Variants in MOB1B observed in about 807,000 individuals in gnomAD.
MOB1B encodes the protein MOB kinase activator 1B.
In MOB1B, 19 loss-of-function variants were observed where a neutral mutation model predicts 24.4. That is an observed-to-expected ratio of 0.78 (90% confidence interval 0.54 to 1.14). MOB1B has a LOEUF of 1.14. MOB1B is among the 50% of genes most tolerant of loss of function. MOB1B has a pLI of 0.00. For synonymous variants in MOB1B, 76 were observed against 82.1 expected, an observed-to-expected ratio of 0.93 and a Z score of 0.40; for missense variants, 243 against 259.6, an observed-to-expected ratio of 0.94 and a Z score of 0.44.
chr4:70,941,906 T>C (rs1737363814), intron 1 of MOB1B, among the ~76,000 whole-genome samples: 1 of 152,224 alleles, frequency 6.6e-6, no homozygotes, highest in Non-Finnish European at 1.5e-5. Flanking sequence ...GGTAACCCTG[T>C]ATAAGAATTT....
chr4:70,955,712 C>T (rs1184986593), intron 1 of MOB1B, among the ~76,000 whole-genome samples: 1 of 151,736 alleles, frequency 6.6e-6, no homozygotes, highest in Non-Finnish European at 1.5e-5. Flanking sequence ...CTCAGGTGAT[C>T]CACCTGCCTC....
intron 1 of MOB1B, among the ~76,000 whole-genome samples, chr4:70,918,324 T>C (rs1319732362): frequency 1.3e-5 from 2 of 151,538 alleles, no homozygotes; most frequent in African/African-American, 4.9e-5. Context: ...AAAGTGTTCC[T>C]ATTTCTCCAC....
At chr4:70,920,840 T>G (rs1032064411) in intron 1 of MOB1B, among the ~76,000 whole-genome samples, 9 of 152,120 alleles carry the variant, frequency 5.9e-5, no homozygotes, top group African/African-American at 1.7e-4. Context: ...CTCAACACAG[T>G]TAAAGTATCA....
At chr4:70,928,197 G>A (rs1482583722) in intron 1 of MOB1B, among the ~76,000 whole-genome samples, 3 of 151,868 alleles carry the variant, frequency 2.0e-5, no homozygotes, top group African/African-American at 7.3e-5. Context: ...TGAAGATGGG[G>A]CATTTTCAAA....
intron 3 of MOB1B, among the ~76,000 whole-genome samples, chr4:70,971,050 T>G (rs1738733298): frequency 6.6e-6 from 1 of 152,264 alleles, no homozygotes; most frequent in East Asian, 1.9e-4. Flanking sequence ...GTCACGGGAC[T>G]GTTTACTTTG....
At chr4:70,935,751 C>T (rs1447609161) in intron 1 of MOB1B, among the ~76,000 whole-genome samples, 1 of 151,712 alleles carries the variant, frequency 6.6e-6, no homozygotes, top group Non-Finnish European at 1.5e-5. Flanking sequence ...GCACTGCTCA[C>T]TGCAACTTCT....
intron 2 of MOB1B, among the ~76,000 whole-genome samples, chr4:70,966,098 A>G (rs1299358472): frequency 6.6e-6 from 1 of 152,206 alleles, no homozygotes; most frequent in Non-Finnish European, 1.5e-5. Flanking sequence ...TGAACATTAG[A>G]AGAAAGGGAA....
chr4:70,957,755 T>A (rs1008748568), intron 1 of MOB1B, among the ~76,000 whole-genome samples: 21 of 101,948 alleles, frequency 2.1e-4, no homozygotes, highest in Non-Finnish European at 1.7e-4. Flanking sequence ...CCTGCCTTAT[T>A]TTTTTTTTTT....
chr4:70,981,265 A>G (rs1372321571), intron 5 of MOB1B, among the ~76,000 whole-genome samples: 3 of 152,190 alleles, frequency 2.0e-5, no homozygotes, highest in African/African-American at 7.2e-5. Context: ...ATAGATGCTA[A>G]TAAATGAATT....
Position 70,966,314 on chromosome 4 carries a change from G to T in MOB1B, c.182-3617G>T, listed in dbSNP as rs1478788204. ...AATCCCAGTGCTTTGGGAGGCCAAG[G>T]TGGAAGGATTGCTTGAGGCCAGGGG... On this transcript the variant is annotated intron_variant, in intron 2 of 5. Transcript: ENST00000309395. Among the ~76,000 whole-genome samples the T allele has an allele frequency of 2.6e-5, 4 of 152,142 alleles. No homozygotes were observed. In the South Asian group the frequency reaches 8.3e-4, roughly 32 times the overall value.
chr4:70,979,340 C>T (rs773247680), intron 5 of MOB1B, 49 bp downstream of exon 5: 5 of 1,443,014 alleles, frequency 3.5e-6, no homozygotes, highest in Non-Finnish European at 4.8e-6. Flanking sequence ...CATTTATCTT[C>T]ATAGTTCTAA....
intron 4 of MOB1B, chr4:70,976,481 A>G (rs1385721707): frequency 1.0e-6 from 1 of 985,072 alleles, no homozygotes; most frequent in African/African-American, 1.7e-5. Flanking sequence ...TTTTGTATTT[A>G]CTTTTAAGGG....
At chr4:70,916,765 C>T (rs1578348228) in intron 1 of MOB1B, among the ~76,000 whole-genome samples, 1 of 152,136 alleles carries the variant, frequency 6.6e-6, no homozygotes, top group East Asian at 1.9e-4. Flanking sequence ...GACGGGGTTT[C>T]ACCATGTTGG....
intron 1 of MOB1B, among the ~76,000 whole-genome samples, chr4:70,935,996 C>T (rs1224014710): frequency 2.6e-5 from 4 of 151,750 alleles, no homozygotes; most frequent in East Asian, 1.9e-4. Context: ...GGACTACAGG[C>T]GCCCACCACT....
At chr4:70,927,787 G>GTTCA (rs1391744755) in intron 1 of MOB1B, among the ~76,000 whole-genome samples, 6 of 152,052 alleles carry the variant, frequency 3.9e-5, no homozygotes, top group African/African-American at 1.5e-4. Flanking sequence ...GCTTCCTGTA[G>GTTCA]TTCACTTGGG....
At chr4:70,922,162 C>G (rs1736464201) in intron 1 of MOB1B, among the ~76,000 whole-genome samples, 1 of 152,096 alleles carries the variant, frequency 6.6e-6, no homozygotes, top group South Asian at 2.1e-4. Flanking sequence ...CCCTAAAAAG[C>G]AAGAAATCCT....
At chr4:70,952,672 A>G (rs1737860023) in intron 1 of MOB1B, among the ~76,000 whole-genome samples, 1 of 147,338 alleles carries the variant, frequency 6.8e-6, no homozygotes, top group Non-Finnish European at 1.5e-5. Flanking sequence ...AAACAAAAAC[A>G]AAAAAAAAAC....
chr4:70,937,273 T>C (rs1737124245), intron 1 of MOB1B, among the ~76,000 whole-genome samples: 1 of 151,964 alleles, frequency 6.6e-6, no homozygotes, highest in South Asian at 2.1e-4. Flanking sequence ...GGACTTCTTT[T>C]TTTTTTCTGA....
chr4:70,977,006 ACATT>A (rs898628175), intron 4 of MOB1B, among the ~76,000 whole-genome samples: 15 of 151,978 alleles, frequency 9.9e-5, no homozygotes, highest in Admixed American at 9.8e-4. Context: ...ACATACACAT[ACATT>A]CATTCATTCC....
Sources: allele counts gnomAD v4.1 joint callset (sites outside exome capture counted in the v4.1 genomes callset), GRCh38; gene constraint gnomAD v4.1.1; transcripts MANE v1.5; gene names NCBI Gene and HGNC (gene_info 2026-07-23, HGNC 2026-07-21).